Variants in STK4 observed in about 807,000 individuals in gnomAD.
STK4 encodes serine/threonine kinase 4.
A neutral mutation model predicts 64.9 loss-of-function variants in STK4; 30 were observed. The observed-to-expected ratio is 0.46, with a 90% CI of 0.35 to 0.63. The LOEUF is 0.63. Among genes scored for constraint, STK4 ranks in the 20% least tolerant of loss-of-function variants. The probability of loss-of-function intolerance (pLI) is 0.01; values close to 1 mark genes in which losing one functional copy is unlikely to be tolerated. For missense variants in STK4, 466 were observed against 598.5 expected (o/e 0.78, Z 2.31); for synonymous variants, 177 against 199.0 (o/e 0.89, Z 0.93).
chr20:44,992,745 A>G (rs1197603946), intron 5 of STK4, among the ~76,000 whole-genome samples: 2 of 151,892 alleles, frequency 1.3e-5, no homozygotes, highest in Non-Finnish European at 1.5e-5. Context: ...CCTAGGCTAG[A>G]GGACAGTAGC....
Position 44,997,207 on chromosome 20 carries a change from C to G in STK4, c.732C>G (p.Phe244Leu). 1 of 1,614,042 alleles carries G rather than the reference C, an allele frequency of 6.2e-7. No homozygotes were observed. The highest frequency in any genetic ancestry group is 8.5e-7 in the Non-Finnish European group (1 of 1,179,920). Residue 244 changes from phenylalanine (F) to leucine (L), a missense_variant, in exon 7 of 11, where the codon TTC (phenylalanine) becomes TTG (leucine). Phe to Leu is a conservative substitution (Grantham distance 22, BLOSUM62 0). Transcript: ENST00000372806. Reference sequence around the variant, plus strand: ...TTCCTACAAATCCTCCTCCCACATTCCGAAAACCAGAGCTATGGTCAGATA... The same window carrying G: ...TTCCTACAAATCCTCCTCCCACATTGCGAAAACCAGAGCTATGGTCAGATA... ...FMIPTNPPPT[F>L]RKPELWSDNF... is the part of the protein sequence containing the mutation.
chr20:45,005,963 CTG>C (rs1345667680), intron 9 of STK4, among the ~76,000 whole-genome samples: 4 of 151,726 alleles, frequency 2.6e-5, no homozygotes, highest in Non-Finnish European at 5.9e-5. Context: ...TTTCTGGTAT[CTG>C]TTGATGGTGA....
At chr20:44,979,175 G>T (rs1374063156) in intron 3 of STK4, among the ~76,000 whole-genome samples, 20 of 151,922 alleles carry the variant, frequency 1.3e-4, no homozygotes, top group African/African-American at 4.3e-4. Context: ...GCTTTTTTTT[G>T]TGTGTGTGAT....
chr20:45,008,607 C>A (rs1164513965), intron 9 of STK4, among the ~76,000 whole-genome samples: 3 of 152,134 alleles, frequency 2.0e-5, no homozygotes, highest in African/African-American at 7.2e-5. Context: ...GAGAAATTAG[C>A]AAACTGCTTT....
chr20:45,065,753 T>C (rs1197401987), intron 10 of STK4, among the ~76,000 whole-genome samples: 1 of 152,108 alleles, frequency 6.6e-6, no homozygotes, highest in Non-Finnish European at 1.5e-5. Flanking sequence ...CTCTTCTCTC[T>C]TTTTTTATTA....
chr20:44,990,358 A>T (rs2067609285), intron 5 of STK4, among the ~76,000 whole-genome samples: 1 of 146,794 alleles, frequency 6.8e-6, no homozygotes, highest in Non-Finnish European at 1.5e-5. Flanking sequence ...CATACAATTG[A>T]TTTTTGTATA....
At chr20:45,059,804 T>C (rs1978836960) in intron 10 of STK4, among the ~76,000 whole-genome samples, 1 of 152,210 alleles carries the variant, frequency 6.6e-6, no homozygotes, top group Non-Finnish European at 1.5e-5. Flanking sequence ...CTTGTAATTT[T>C]ATTGCAAGTA....
chr20:45,005,500 T>C (rs1291453895), intron 9 of STK4, among the ~76,000 whole-genome samples: 1 of 151,958 alleles, frequency 6.6e-6, no homozygotes, highest in Non-Finnish European at 1.5e-5. Context: ...TACAAAATAT[T>C]AGCCGGGCAT....
intron 10 of STK4, chr20:45,053,074 CT>C (rs1460688825): frequency 3.1e-6 from 5 of 1,602,460 alleles, no homozygotes; most frequent in Non-Finnish European, 4.3e-6. Flanking sequence ...ATTTTGTGCT[CT>C]TTTCTTTCAG....
At position 45,018,742 on chromosome 20, in the gene STK4, T is replaced by TA. The variant is rs1555815299; in HGVS notation, c.1148-6229dup. Among the ~76,000 whole-genome samples the TA allele has an allele frequency of 3.4e-3, 510 of 149,678 alleles. 3 individuals are homozygous for TA. The highest frequency in any genetic ancestry group is 0.012 in the African/African-American group (493 of 40,096). ...AAGTTCTACTTTTTTTTTTTTTTTT[T>TA]AATTTGGAGACAGGATCTTGGTCTG... On this transcript the variant is annotated intron_variant, in intron 9 of 10. Coordinates refer to ENST00000372806, the MANE Select transcript of STK4 (RefSeq NM_006282.5).
At chr20:45,006,998 C>G (rs2067958403) in intron 9 of STK4, among the ~76,000 whole-genome samples, 1 of 152,100 alleles carries the variant, frequency 6.6e-6, no homozygotes, top group African/African-American at 2.4e-5. Flanking sequence ...CCGCTTTTGG[C>G]ATCTGGAAGT....
At chr20:45,039,107 G>A (rs962758035) in intron 10 of STK4, among the ~76,000 whole-genome samples, 2 of 151,998 alleles carry the variant, frequency 1.3e-5, no homozygotes, top group African/African-American at 2.4e-5. Context: ...ACAAGTAGTG[G>A]TTTCTTATAG....
At position 45,065,048 on chromosome 20, in the gene STK4, AC is replaced by A. The variant is rs1979443625; in HGVS notation, c.1306-9969del. Among the ~76,000 whole-genome samples, 3 of 152,168 alleles carry A rather than the reference AC, an allele frequency of 2.0e-5. No individual in the cohort carries two copies. In the South Asian group the frequency reaches 6.2e-4, roughly 32 times the overall value. ...CTGGTTTTCAGAGGGAATGCTTCCA[AC>A]TTTTGCCCATTTAGTATGATGTTTG... On this transcript the variant is annotated intron_variant, in intron 10 of 10. Transcript: ENST00000372806.
Position 45,000,428 on chromosome 20 carries a change from C to T in STK4, c.868C>T (p.Leu290=). ...CAGGAGTGCCAAAGGAGTGTCAATA[C>T]TGCGAGACTTAATTAATGAAGCCAT... ...FVRSAKGVSI[L]RDLINEAMDV... is the part of the protein sequence containing the mutation. The change falls in exon 8 of 11, where the codon CTG becomes TTG. Residue 290 remains leucine, a synonymous_variant. Coordinates refer to ENST00000372806, the MANE Select transcript of STK4 (RefSeq NM_006282.5). 2 of 1,614,052 alleles carry T rather than the reference C, an allele frequency of 1.2e-6. No homozygotes were observed. The highest frequency in any genetic ancestry group is 1.7e-4 in the Middle Eastern group (1 of 6,060).
chr20:45,068,417 T>C (rs1979772757), intron 10 of STK4, among the ~76,000 whole-genome samples: 1 of 152,170 alleles, frequency 6.6e-6, no homozygotes, highest in African/African-American at 2.4e-5. Context: ...ATGTGTGTAG[T>C]AGGCACTTGG....
At chr20:45,071,596 C>T (rs540683723) in intron 10 of STK4, among the ~76,000 whole-genome samples, 91 of 152,128 alleles carry the variant, frequency 6.0e-4, no homozygotes, top group African/African-American at 2.1e-3. Context: ...TCAAGGGCAA[C>T]AAAACTGCCT....
chr20:44,998,584 A>T lies in STK4; in HGVS notation c.831+1278A>T, dbSNP rs148133989. On this transcript the variant is annotated intron_variant, in intron 7 of 10. Transcript: ENST00000372806. ...CTGGAATGAAACTCACATATAATAA[A>T]ACCTTTTTATGCCCATAATTTAAAA... 5.4e-4 allele frequency among the ~76,000 whole-genome samples: 82 copies of T among 152,330 alleles called. No homozygotes were observed. In the Middle Eastern group the frequency reaches 0.01, roughly 19 times the overall value.
intron 5 of STK4, among the ~76,000 whole-genome samples, chr20:44,992,759 A>G (rs1245295122): frequency 2.0e-5 from 3 of 152,054 alleles, no homozygotes; most frequent in Admixed American, 2.0e-4. Flanking sequence ...CAGTAGCGCA[A>G]TCTTGGCTCA....
At chr20:45,015,932 G>A (rs1012087147) in intron 9 of STK4, among the ~76,000 whole-genome samples, 7 of 152,292 alleles carry the variant, frequency 4.6e-5, no homozygotes, top group Admixed American at 1.3e-4. Flanking sequence ...TTCTTCAACA[G>A]TGCTACTTTT....
Sources: allele counts gnomAD v4.1 joint callset (sites outside exome capture counted in the v4.1 genomes callset), GRCh38; gene constraint gnomAD v4.1.1; transcripts MANE v1.5; gene names NCBI Gene and HGNC (gene_info 2026-07-23, HGNC 2026-07-21).